DCC: variants seen among roughly 807,000 people sequenced by gnomAD.
DCC encodes the protein DCC netrin 1 receptor, also known as netrin receptor DCC.
In DCC, 58 loss-of-function variants were observed where a neutral mutation model predicts 172.5. The observed-to-expected ratio is 0.34, with a 90% confidence interval of 0.27 to 0.42. The LOEUF (loss-of-function observed/expected upper bound fraction) is 0.42, where lower values mean the gene tolerates loss of function less well. Ranked by LOEUF, DCC falls within the 10% of genes least tolerant of loss-of-function variation. The probability of loss-of-function intolerance (pLI) is 1.00; values close to 1 mark genes in which losing one functional copy is unlikely to be tolerated. For synonymous variants in DCC, 709 were observed against 644.5 expected (o/e 1.10, Z -1.52); for missense variants, 1,740 against 1,791.0 (o/e 0.97, Z 0.51).
chr18:52,771,372 C>G (rs1169677153), intron 2 of DCC, among the ~76,000 whole-genome samples: 1 of 152,096 alleles, frequency 6.6e-6, no homozygotes, highest in Non-Finnish European at 1.5e-5. Flanking sequence ...ATGCCTGAGC[C>G]CCTTACTAGC....
At chr18:52,591,630 C>T (rs1330726407) in intron 1 of DCC, among the ~76,000 whole-genome samples, 6 of 151,772 alleles carry the variant, frequency 4.0e-5, no homozygotes, top group Non-Finnish European at 5.9e-5. Flanking sequence ...ATTATTATTA[C>T]GTTTTGAGAC....
At position 52,922,106 on chromosome 18, in the gene DCC, C is replaced by T. The variant is rs191478101; in HGVS notation, c.698-1601C>T. Among the ~76,000 whole-genome samples, 7 of 152,180 alleles carry T rather than the reference C, an allele frequency of 4.6e-5. No individual in the cohort carries two copies. The East Asian group carries it at 7.7e-4, about 17-fold the overall frequency. On this transcript the variant is annotated intron_variant, in intron 3 of 28. Transcript: ENST00000442544. ...ATACCATCAGCAATTTTCAAAAGTT[C>T]TGAGACATTTTTCTACAGTATTGAT...
At position 53,137,809 on chromosome 18, in the gene DCC, A is replaced by G. The variant is rs2043767804; in HGVS notation, c.1262-19547A>G. Among the ~76,000 whole-genome samples, 5 of 152,072 alleles carry G rather than the reference A, an allele frequency of 3.3e-5. No homozygotes were observed. In the South Asian group the frequency reaches 8.3e-4, roughly 25 times the overall value. The stretch of plus-strand genomic sequence containing the variant: ...AATGTCATTCAATTTTAAATAAGCA[A>G]GAATAATATTACTATTTTTTTTTCA... On this transcript the variant is annotated intron_variant, in intron 7 of 28. Coordinates refer to ENST00000442544, the MANE Select transcript of DCC (RefSeq NM_005215.4).
intron 1 of DCC, among the ~76,000 whole-genome samples, chr18:52,471,626 G>T (rs1988948134): frequency 6.6e-6 from 1 of 152,150 alleles, no homozygotes; most frequent in Non-Finnish European, 1.5e-5. Context: ...TGAAATCCCG[G>T]CATGAGGGAC....
intron 12 of DCC, among the ~76,000 whole-genome samples, chr18:53,295,415 A>C (rs985621360): frequency 6.6e-6 from 1 of 152,164 alleles, no homozygotes; most frequent in African/African-American, 2.4e-5. Context: ...GTTTATAAAA[A>C]GACAAAATTG....
intron 1 of DCC, among the ~76,000 whole-genome samples, chr18:52,580,354 G>A (rs992418079): frequency 6.6e-5 from 10 of 152,146 alleles, no homozygotes; most frequent in Admixed American, 1.3e-4. Flanking sequence ...AACTCACAAT[G>A]AGACATTTTT....
At chr18:52,975,317 T>G (rs950747959) in intron 5 of DCC, among the ~76,000 whole-genome samples, 1 of 152,154 alleles carries the variant, frequency 6.6e-6, no homozygotes, top group Non-Finnish European at 1.5e-5. Flanking sequence ...GTTTCTTTCT[T>G]TTCTTATAAG....
chr18:53,394,081 C>G lies in DCC; in HGVS notation c.2688+2194C>G, dbSNP rs552286346. Reference sequence around the variant, plus strand: ...CCAATGTCATATCTTTACTTCATCTCACTTCCACTACAGCTTTAAAAGGTA... The same window carrying G: ...CCAATGTCATATCTTTACTTCATCTGACTTCCACTACAGCTTTAAAAGGTA... On this transcript the variant is annotated intron_variant, in intron 17 of 28. Transcript: ENST00000442544. Among the ~76,000 whole-genome samples, 5 of 152,326 alleles carry G rather than the reference C, an allele frequency of 3.3e-5. 1 individual carries two copies. Among genetic ancestry groups the G allele is most frequent in the Admixed American group, 2.0e-4 (3 of 15,302 alleles).
intron 6 of DCC, among the ~76,000 whole-genome samples, chr18:53,063,944 A>C (rs1171886505): frequency 6.6e-6 from 1 of 152,134 alleles, no homozygotes; most frequent in Non-Finnish European, 1.5e-5. Flanking sequence ...CTTATCCTAC[A>C]TGAGCCATTG....
chr18:53,425,357 C>CTTTTTTTTTTTTTTTTT (rs747096336), intron 21 of DCC, among the ~76,000 whole-genome samples: 3 of 101,632 alleles, frequency 3.0e-5, no homozygotes, highest in Non-Finnish European at 5.8e-5. Flanking sequence ...TTTCTCCTCT[C>CTTTTTTTTTTTTTTTTT]TTTTTTTTTT....
intron 1 of DCC, among the ~76,000 whole-genome samples, chr18:52,359,497 G>C (rs1381635508): frequency 6.6e-6 from 1 of 152,008 alleles, no homozygotes; most frequent in Non-Finnish European, 1.5e-5. Flanking sequence ...GACACTTCTG[G>C]GGATTTCAGA....
At chr18:53,060,100 T>A (rs1007276787) in intron 5 of DCC, among the ~76,000 whole-genome samples, 1 of 152,188 alleles carries the variant, frequency 6.6e-6, no homozygotes, top group Admixed American at 6.5e-5. Flanking sequence ...ACCTCCCAGA[T>A]TCAAGCGATT....
intron 27 of DCC, among the ~76,000 whole-genome samples, chr18:53,514,169 A>G (rs529379650): frequency 0.013 from 1,952 of 152,326 alleles, 41 homozygotes; most frequent in African/African-American, 0.045. Context: ...GCTCAACTAC[A>G]TGGAAACTGA....
chr18:53,199,463 A>G (rs2055501432), intron 9 of DCC, among the ~76,000 whole-genome samples: 1 of 152,122 alleles, frequency 6.6e-6, no homozygotes, highest in South Asian at 2.1e-4. Flanking sequence ...AATGTATCAC[A>G]TATGTAAAAG....
intron 3 of DCC, among the ~76,000 whole-genome samples, chr18:52,910,116 G>T (rs1261954403): frequency 1.3e-5 from 2 of 152,122 alleles, no homozygotes; most frequent in African/African-American, 4.8e-5. Flanking sequence ...ATCCTGGAGA[G>T]AATTGACCAA....
At chr18:52,951,421 T>A (rs980223361) in intron 5 of DCC, among the ~76,000 whole-genome samples, 5 of 151,990 alleles carry the variant, frequency 3.3e-5, no homozygotes, top group African/African-American at 1.2e-4. Context: ...GTCCTAATGC[T>A]CTCCTTCCCC....
At chr18:53,114,695 A>G (rs997459524) in intron 7 of DCC, among the ~76,000 whole-genome samples, 2 of 151,570 alleles carry the variant, frequency 1.3e-5, no homozygotes, top group African/African-American at 4.8e-5. Flanking sequence ...GCCACGTTGG[A>G]CTGAATTGCT....
chr18:53,364,374 G>A (rs1214720519), intron 15 of DCC, among the ~76,000 whole-genome samples: 1 of 151,416 alleles, frequency 6.6e-6, no homozygotes, highest in Non-Finnish European at 1.5e-5. Context: ...TTTTTTCAGG[G>A]AAACATAGCT....
chr18:52,587,595 A>G (rs1168596678), intron 1 of DCC, among the ~76,000 whole-genome samples: 1 of 152,176 alleles, frequency 6.6e-6, no homozygotes, highest in Non-Finnish European at 1.5e-5. Flanking sequence ...GCTACAGCCC[A>G]CAAATCACTA....
Sources: gnomAD v4.1 joint callset for allele counts (sites outside exome capture counted in the v4.1 genomes callset) on GRCh38, gnomAD v4.1.1 for gene constraint, MANE v1.5 for transcripts, NCBI Gene and HGNC (gene_info 2026-07-23, HGNC 2026-07-21) for gene names.